The following TMEM135 variants were observed in gnomAD, a reference collection of about 807,000 sequenced individuals.
TMEM135 encodes the protein transmembrane protein 135, also known as peroxisomal membrane protein 52.
A neutral mutation model predicts 60.3 loss-of-function variants in TMEM135; 30 were observed. That is an observed-to-expected ratio of 0.50 (90% CI 0.37 to 0.68). The LOEUF is 0.68. Ranked by LOEUF, TMEM135 falls within the 30% of genes least tolerant of loss-of-function variation. The pLI is 0.00. For missense variants in TMEM135, 468 were observed against 548.8 expected (o/e 0.85, Z 1.47); for synonymous variants, 190 against 186.7 (o/e 1.02, Z -0.14).
rs1236879763 is a variant in TMEM135, at chr11:87,245,916, C to G, written c.509+9232C>G. ...ATTATGATGTTAGCTGGTTATTTTG[C>G]TCGTTAGTTGTTGCAATTTCTTCCT... On this transcript the variant is annotated intron_variant, in intron 6 of 14. Transcript: ENST00000305494. 2.5e-5 allele frequency among the ~76,000 whole-genome samples: 2 copies of G among 81,498 alleles called. 1 individual carries two copies. The highest frequency in any genetic ancestry group is 9.3e-5 in the African/African-American group (2 of 21,554). The allele number at this position is 81,498 out of a possible 152,430, so 53.5% of individuals were successfully genotyped here.
At chr11:87,219,877 T>G (rs937406754) in intron 5 of TMEM135, among the ~76,000 whole-genome samples, 4 of 152,194 alleles carry the variant, frequency 2.6e-5, no homozygotes, top group Admixed American at 2.0e-4. Flanking sequence ...TATATTATTA[T>G]AGATAATATG....
chr11:87,318,880 T>C (rs971194452), intron 13 of TMEM135, among the ~76,000 whole-genome samples: 1 of 151,396 alleles, frequency 6.6e-6, no homozygotes, highest in African/African-American at 2.4e-5. Flanking sequence ...TTTTCTTTTT[T>C]TTTTTTTTGA....
intron 4 of TMEM135, chr11:87,096,285 A>G: frequency 3.7e-6 from 1 of 270,546 alleles, no homozygotes; most frequent in South Asian, 4.9e-5. Context: ...TTCTCTTGAA[A>G]ATAGAACTTG....
At chr11:87,087,602 C>G (rs1857123623) in intron 3 of TMEM135, among the ~76,000 whole-genome samples, 1 of 152,156 alleles carries the variant, frequency 6.6e-6, no homozygotes, top group Admixed American at 6.5e-5. Context: ...CATGATAGGA[C>G]CGAGTTGTTT....
chr11:87,111,137 G>T (rs1345541165), intron 4 of TMEM135, among the ~76,000 whole-genome samples: 1 of 152,134 alleles, frequency 6.6e-6, no homozygotes, highest in Non-Finnish European at 1.5e-5. Context: ...TAGCAAAGAA[G>T]GACGAAGAAA....
chr11:87,182,535 G>T (rs1344724426), intron 5 of TMEM135, among the ~76,000 whole-genome samples: 2 of 152,062 alleles, frequency 1.3e-5, no homozygotes, highest in Non-Finnish European at 2.9e-5. Context: ...TAAGTATATG[G>T]CAAATGCAAT....
intron 6 of TMEM135, among the ~76,000 whole-genome samples, chr11:87,276,382 A>G (rs1349995698): frequency 6.6e-6 from 1 of 152,082 alleles, no homozygotes; most frequent in African/African-American, 2.4e-5. Flanking sequence ...AATTTTTAGA[A>G]CTTGAGTTGT....
At chr11:87,231,048 A>G (rs974750676) in intron 5 of TMEM135, among the ~76,000 whole-genome samples, 4 of 152,110 alleles carry the variant, frequency 2.6e-5, no homozygotes, top group East Asian at 1.9e-4. Context: ...TCCCTGAGAT[A>G]TAGGAAACAA....
intron 6 of TMEM135, among the ~76,000 whole-genome samples, chr11:87,247,689 G>T (rs1337234097): frequency 6.6e-6 from 1 of 152,152 alleles, no homozygotes; most frequent in Non-Finnish European, 1.5e-5. Flanking sequence ...CTGGTGCGCC[G>T]TTTTTTAAGC....
At chr11:87,267,400 C>T (rs563177207) in intron 6 of TMEM135, among the ~76,000 whole-genome samples, 12 of 152,160 alleles carry the variant, frequency 7.9e-5, no homozygotes, top group African/African-American at 2.2e-4. Context: ...TTCTAGCCAA[C>T]CTTCTCTAAA....
intron 4 of TMEM135, among the ~76,000 whole-genome samples, chr11:87,125,328 AG>A (rs1428604426): frequency 6.6e-6 from 1 of 152,228 alleles, no homozygotes; most frequent in Non-Finnish European, 1.5e-5. Context: ...TGGAAGTGCT[AG>A]GTAGAAAATA....
intron 6 of TMEM135, among the ~76,000 whole-genome samples, chr11:87,289,767 T>A (rs539442034): frequency 6.6e-6 from 1 of 152,176 alleles, no homozygotes; most frequent in South Asian, 2.1e-4. Flanking sequence ...TCTCTTCATA[T>A]CTTTACCTTC....
intron 1 of TMEM135, among the ~76,000 whole-genome samples, chr11:87,042,405 A>G (rs1949757857): frequency 6.6e-6 from 1 of 152,188 alleles, no homozygotes; most frequent in Non-Finnish European, 1.5e-5. Context: ...TTTTACATGG[A>G]AAGGCAAAGG....
chr11:87,260,429 G>A (rs1941627729), intron 6 of TMEM135, among the ~76,000 whole-genome samples: 1 of 152,144 alleles, frequency 6.6e-6, no homozygotes, highest in African/African-American at 2.4e-5. Flanking sequence ...TATGAAACAC[G>A]TAGAGACATT....
chr11:87,041,252 C>G (rs1425009271), intron 1 of TMEM135, among the ~76,000 whole-genome samples: 5 of 150,012 alleles, frequency 3.3e-5, no homozygotes, highest in African/African-American at 7.4e-5. Context: ...AGATTTAGAG[C>G]TAGTAAGGAA....
rs1197711062 is a variant in TMEM135, at chr11:87,143,441, G to T, written c.397-13900G>T. ...TTTGTTTGTGTGTCTAGTTGTTTTT[G>T]ATTGGAAATTGGACATTTTATTCTA... is the stretch of plus-strand genomic sequence containing the variant. On this transcript the variant is annotated intron_variant, in intron 4 of 14. Coordinates refer to ENST00000305494, the MANE Select transcript of TMEM135 (RefSeq NM_022918.4). Among the ~76,000 whole-genome samples the T allele has an allele frequency of 2.0e-5, 3 of 148,724 alleles. No individual in the cohort carries two copies. In the East Asian group the frequency reaches 6.0e-4, roughly 30 times the overall value.
At chr11:87,312,201 G>T (rs1389315527) in intron 10 of TMEM135, among the ~76,000 whole-genome samples, 1 of 147,242 alleles carries the variant, frequency 6.8e-6, no homozygotes, top group East Asian at 2.0e-4. Flanking sequence ...CAGCCTTCTG[G>T]ATTGATTGTG....
At chr11:87,141,297 T>C (rs1210673707) in intron 4 of TMEM135, among the ~76,000 whole-genome samples, 1 of 152,178 alleles carries the variant, frequency 6.6e-6, no homozygotes, top group Non-Finnish European at 1.5e-5. Context: ...GGTCGTTTAC[T>C]TCCTTTGTTA....
At chr11:87,122,962 C>T (rs184890371) in intron 4 of TMEM135, among the ~76,000 whole-genome samples, 1 of 152,254 alleles carries the variant, frequency 6.6e-6, no homozygotes. Context: ...CTTTGTGGGT[C>T]ATATGGTCCC....
Sources: allele counts gnomAD v4.1 joint callset (sites outside exome capture counted in the v4.1 genomes callset), GRCh38; gene constraint gnomAD v4.1.1; transcripts MANE v1.5; gene names NCBI Gene and HGNC (gene_info 2026-07-23, HGNC 2026-07-21).